Variants in COBL observed in about 807,000 individuals in gnomAD.
COBL encodes cordon-bleu WH2 repeat protein.
Under a neutral mutation model 98.8 loss-of-function variants are expected in COBL, and 51 were observed. The ratio of observed to expected loss-of-function variants is 0.52; its 90% CI spans 0.41 to 0.65. The LOEUF is 0.65. COBL is among the 30% of genes least tolerant of loss of function. The probability of loss-of-function intolerance (pLI) is 0.00; values close to 1 mark genes in which losing one functional copy is unlikely to be tolerated. For synonymous variants in COBL, 634 were observed against 651.7 expected (o/e 0.97, Z 0.41); for missense variants, 1,617 against 1,617.5 (o/e 1.00, Z 0.01).
intron 6 of COBL, among the ~76,000 whole-genome samples, chr7:51,126,267 G>A (rs932857718): frequency 1.3e-5 from 2 of 152,190 alleles, no homozygotes; most frequent in Non-Finnish European, 2.9e-5. Flanking sequence ...GGTGGAGCTT[G>A]CAGTGAGCCA....
chr7:51,055,400 C>T (rs1038209261), intron 7 of COBL, among the ~76,000 whole-genome samples: 10 of 152,338 alleles, frequency 6.6e-5, no homozygotes, highest in East Asian at 1.9e-4. Context: ...GAAGATTAAA[C>T]GAGACAGCAC....
At chr7:51,294,911 G>A (rs879761514) in intron 1 of COBL, among the ~76,000 whole-genome samples, 23 of 152,008 alleles carry the variant, frequency 1.5e-4, no homozygotes, top group Non-Finnish European at 2.4e-4. Context: ...TTAGGGAAAA[G>A]CACACACTGG....
rs140942308 is a variant in COBL at position 51,251,934 on chromosome 7, T to TA, written c.42-31991dup. On this transcript the variant is annotated intron_variant, in intron 1 of 12. Transcript: ENST00000265136. ...TTGCTGAAAAAACAGTTCTGCACTC[T>TA]AAAGTCCTTTAGCACATGTCTCCTA... Among the ~76,000 whole-genome samples, 1,215 of 152,378 alleles carry TA rather than the reference T, an allele frequency of 8.0e-3. 58 individuals carry two copies. The South Asian group carries it at 0.13, about 17-fold the overall frequency.
chr7:51,106,619 T>C (rs1414300379), intron 6 of COBL, among the ~76,000 whole-genome samples: 1 of 152,216 alleles, frequency 6.6e-6, no homozygotes, highest in Non-Finnish European at 1.5e-5. Context: ...TCGATTCTGC[T>C]TTATTCTTGA....
chr7:51,307,253 G>A (rs998683162), intron 1 of COBL, among the ~76,000 whole-genome samples: 1 of 152,188 alleles, frequency 6.6e-6, no homozygotes, highest in African/African-American at 2.4e-5. Context: ...GGAGGCTGAG[G>A]CAGGAGAATT....
chr7:51,042,875 G>A (rs769831480), intron 8 of COBL, among the ~76,000 whole-genome samples: 2 of 152,180 alleles, frequency 1.3e-5, no homozygotes, highest in Non-Finnish European at 2.9e-5. Context: ...GTGCAACAAG[G>A]GGACCTTGCA....
rs536744654 is a variant in COBL, at chr7:51,206,698, A to C, written c.245+13043T>G. 2.0e-5 allele frequency among the ~76,000 whole-genome samples: 3 copies of C among 152,344 alleles called. No homozygotes were observed. The South Asian group carries it at 6.2e-4, about 32-fold the overall frequency. ...CAATGAAGTATTACACAGCCTTAAA[A>C]GAGAAGGAAATCCTGCCACGTGTGA... is the stretch of plus-strand genomic sequence containing the variant. On this transcript the variant is annotated intron_variant, in intron 2 of 12. Transcript: ENST00000265136.
intron 5 of COBL, among the ~76,000 whole-genome samples, chr7:51,160,798 CAGG>C (rs1786720115): frequency 6.6e-6 from 1 of 152,128 alleles, no homozygotes; most frequent in Non-Finnish European, 1.5e-5. Flanking sequence ...GAGAAAGGCT[CAGG>C]AGAACAAGGA....
At chr7:51,094,442 T>C (rs1459882451) in intron 6 of COBL, among the ~76,000 whole-genome samples, 1 of 152,174 alleles carries the variant, frequency 6.6e-6, no homozygotes, top group Non-Finnish European at 1.5e-5. Flanking sequence ...TTGAATATTT[T>C]GACAATGCAT....
intron 1 of COBL, among the ~76,000 whole-genome samples, chr7:51,315,691 C>A (rs1234075995): frequency 6.6e-6 from 1 of 152,238 alleles, no homozygotes; most frequent in Admixed American, 6.5e-5. Flanking sequence ...CGCTACCCCG[C>A]GGCCCAGCCT....
At chr7:51,285,566 T>A (rs1202891329) in intron 1 of COBL, among the ~76,000 whole-genome samples, 1 of 152,186 alleles carries the variant, frequency 6.6e-6, no homozygotes, top group Non-Finnish European at 1.5e-5. Flanking sequence ...ATAAGTCTAG[T>A]TGACATGGGT....
At chr7:51,043,120 C>T (rs991117247) in intron 8 of COBL, among the ~76,000 whole-genome samples, 1 of 152,272 alleles carries the variant, frequency 6.6e-6, no homozygotes, top group East Asian at 1.9e-4. Context: ...ATAAATCTTA[C>T]AAACATGATA....
intron 2 of COBL, among the ~76,000 whole-genome samples, chr7:51,214,504 G>A (rs1400319494): frequency 6.6e-6 from 1 of 152,096 alleles, no homozygotes; most frequent in Non-Finnish European, 1.5e-5. Flanking sequence ...GCTGACCACA[G>A]TAACTGTGAC....
chr7:51,150,962 T>C (rs1486465748), intron 5 of COBL, among the ~76,000 whole-genome samples: 3 of 151,746 alleles, frequency 2.0e-5, no homozygotes, highest in Non-Finnish European at 2.9e-5. Flanking sequence ...GGAGCAAGAG[T>C]CACCTGCCCC....
chr7:51,022,516 CT>C, intron 12 of COBL: 1 of 152,264 alleles, frequency 6.6e-6, no homozygotes, highest in East Asian at 1.9e-4. Flanking sequence ...CTGTGCATTT[CT>C]CCCCACTTTC....
At chr7:51,260,627 T>A (rs1016191529) in intron 1 of COBL, among the ~76,000 whole-genome samples, 10 of 152,152 alleles carry the variant, frequency 6.6e-5, no homozygotes, top group African/African-American at 2.2e-4. Flanking sequence ...AAGGCACTGG[T>A]TGAGCTATGT....
In COBL at chr7:51,144,998, G is replaced by C. The variant is rs914612892; in HGVS notation, c.784-8667C>G. On this transcript the variant is annotated intron_variant, in intron 5 of 12. Coordinates refer to ENST00000265136, the MANE Select transcript of COBL (RefSeq NM_015198.5). ...GTGAACAGAGCTGCTACAAGCATTT[G>C]TGTACTATTCACTTGTTTTTAATTC... 3.3e-5 allele frequency among the ~76,000 whole-genome samples: 5 copies of C among 152,290 alleles called. No homozygotes were observed. In the South Asian group the frequency reaches 6.2e-4, roughly 19 times the overall value.
chr7:51,070,392 A>AAAACACACACACACACACACACACAC (rs1792404068), intron 7 of COBL, among the ~76,000 whole-genome samples: 1 of 138,930 alleles, frequency 7.2e-6, no homozygotes, highest in Non-Finnish European at 1.6e-5. Flanking sequence ...AAACAGTTAA[A>AAAACACACACACACACACACACACAC]ACACACACAC....
intron 6 of COBL, among the ~76,000 whole-genome samples, chr7:51,133,378 T>C (rs971810220): frequency 1.3e-5 from 2 of 152,166 alleles, no homozygotes; most frequent in African/African-American, 4.8e-5. Flanking sequence ...TACTGAAGAA[T>C]CTCTTAGCAG....
Sources: allele counts gnomAD v4.1 joint callset (sites outside exome capture counted in the v4.1 genomes callset), GRCh38; gene constraint gnomAD v4.1.1; transcripts MANE v1.5; gene names NCBI Gene and HGNC (gene_info 2026-07-23, HGNC 2026-07-21).